SLC22A15: variants seen among roughly 807,000 people sequenced by gnomAD.
The protein encoded by SLC22A15 is flipt 1.
SLC22A15 carries 45 observed loss-of-function variants against 62.7 expected under a neutral mutation model. The ratio of observed to expected loss-of-function variants is 0.72; its 90% CI spans 0.56 to 0.92. The LOEUF (loss-of-function observed/expected upper bound fraction) is 0.92, where lower values mean the gene tolerates loss of function less well. Ranked by LOEUF, SLC22A15 falls within the 40% of genes least tolerant of loss-of-function variation. The probability of loss-of-function intolerance (pLI) is 0.00; values close to 1 mark genes in which losing one functional copy is unlikely to be tolerated. For synonymous variants in SLC22A15, 264 were observed against 267.0 expected, an observed-to-expected ratio of 0.99 and a Z score of 0.11; for missense variants, 622 against 665.6, an observed-to-expected ratio of 0.93 and a Z score of 0.72.
chr1:115,988,654 G>A (rs990556743), intron 1 of SLC22A15, among the ~76,000 whole-genome samples: 2 of 151,694 alleles, frequency 1.3e-5, no homozygotes, highest in African/African-American at 4.8e-5. Flanking sequence ...CCAAGTAGCT[G>A]GGATTACAGG....
At position 116,037,375 on chromosome 1, in the gene SLC22A15, T is replaced by C; in HGVS notation, c.1158T>C (p.Leu386=). The C allele has an allele frequency of 6.2e-7, 1 of 1,612,996 alleles. No homozygotes were observed. Among genetic ancestry groups the C allele is most frequent in the Non-Finnish European group, 8.5e-7 (1 of 1,179,168 alleles). ...TGGCTTGTCTTATTGTAATGTTTCT[T>C]CCAGAAAAGAAAGGTATGCCTTTCA... The part of the protein sequence containing the change: ...GGLACLIVMF[L]PEKKDTGVFA... Residue 386 remains leucine (L), a synonymous_variant, in exon 8 of 12, where the codon CTT becomes CTC. Coordinates refer to ENST00000369503, the MANE Select transcript of SLC22A15 (RefSeq NM_018420.3).
Position 116,067,874 on chromosome 1 carries a change from A to G in SLC22A15, c.*766A>G, listed in dbSNP as rs1352777170. 6.6e-6 allele frequency: 1 copy of G among 152,220 alleles called. No individual in the cohort carries two copies. The highest frequency in any genetic ancestry group is 1.5e-5 in the Non-Finnish European group (1 of 68,050). The allele number at this position is 152,220 out of a possible 1,614,324, so 9.4% of individuals were successfully genotyped here. A position where few individuals can be genotyped will look rare whatever the true frequency, so the allele number is the denominator to read the frequency against. On this transcript the variant is annotated 3_prime_UTR_variant, in exon 12 of 12. Transcript: ENST00000369503. ...TCCTTTCCCACTAATATGCACATCC[A>G]GAAAAATTTCCATCTGAGATTCTAG...
intron 2 of SLC22A15, among the ~76,000 whole-genome samples, chr1:116,004,349 T>A (rs1655874091): frequency 6.6e-6 from 1 of 152,186 alleles, no homozygotes. Context: ...GCTGGAGTGT[T>A]CTAGTCGGCC....
Position 115,992,107 on chromosome 1 carries a change from T to G in SLC22A15, c.164T>G (p.Leu55Arg), listed in dbSNP as rs1307233788. 1 of 1,613,832 alleles carries G rather than the reference T, an allele frequency of 6.2e-7. No individual in the cohort carries two copies. The highest frequency in any genetic ancestry group is 8.5e-7 in the Non-Finnish European group (1 of 1,179,882). The change falls in exon 2 of 12, where the codon CTC (leucine) becomes CGC (arginine). Residue 55 changes from leucine (L) to arginine (R), a missense_variant. By Grantham distance (102) the Leu-to-Arg change is moderately radical (BLOSUM62 -2). Coordinates refer to ENST00000369503, the MANE Select transcript of SLC22A15 (RefSeq NM_018420.3). Reference protein sequence around the residue: ...TPSYHWDLAELLPNQSHGNQS... With the variant: ...TPSYHWDLAERLPNQSHGNQS... ...TCCTACCACTGGGACCTGGCAGAGC[T>G]CCTGCCAAATCAGAGCCACGGTAAC...
intron 3 of SLC22A15, among the ~76,000 whole-genome samples, chr1:116,020,507 G>C (rs1656770997): frequency 6.6e-6 from 1 of 150,490 alleles, no homozygotes; most frequent in South Asian, 2.1e-4. Flanking sequence ...AGCGAGCCGA[G>C]ATTGTGCCAC....
At chr1:116,051,161 G>A (rs926445468) in intron 8 of SLC22A15, among the ~76,000 whole-genome samples, 1 of 152,084 alleles carries the variant, frequency 6.6e-6, no homozygotes, top group South Asian at 2.1e-4. Flanking sequence ...CAAATTCAAT[G>A]CAATCCTCAT....
chr1:116,011,770 G>A (rs905343710), intron 2 of SLC22A15, among the ~76,000 whole-genome samples: 4 of 152,130 alleles, frequency 2.6e-5, no homozygotes, highest in African/African-American at 7.2e-5. Context: ...AATAGTTCAC[G>A]GGGGAGGAGG....
At chr1:116,046,800 A>T (rs1205665820) in intron 8 of SLC22A15, among the ~76,000 whole-genome samples, 2 of 152,180 alleles carry the variant, frequency 1.3e-5, no homozygotes, top group South Asian at 4.1e-4. Flanking sequence ...CTGCAGGAGA[A>T]GTTTCCCACC....
intron 6 of SLC22A15, chr1:116,031,975 C>A (rs1657427619): frequency 1.9e-6 from 2 of 1,065,456 alleles, no homozygotes; most frequent in Non-Finnish European, 2.3e-6. Flanking sequence ...TTGGCACTGG[C>A]ATCAAGCAGT....
At chr1:116,011,856 T>C (rs1215685655) in intron 2 of SLC22A15, among the ~76,000 whole-genome samples, 1 of 152,128 alleles carries the variant, frequency 6.6e-6, no homozygotes, top group Non-Finnish European at 1.5e-5. Flanking sequence ...GGTGTCATGC[T>C]TCATGGCAAA....
intron 1 of SLC22A15, among the ~76,000 whole-genome samples, chr1:115,986,554 C>T (rs1654875070): frequency 6.6e-6 from 1 of 152,044 alleles, no homozygotes; most frequent in Non-Finnish European, 1.5e-5. Context: ...AACTTTGAAG[C>T]TTGGATTTAG....
At chr1:115,977,851 G>A (rs1654393117) in intron 1 of SLC22A15, among the ~76,000 whole-genome samples, 1 of 152,154 alleles carries the variant, frequency 6.6e-6, no homozygotes, top group Admixed American at 6.5e-5. Flanking sequence ...GGGAAGGTAG[G>A]GGTTGACTTA....
chr1:116,012,999 G>T (rs1032932644), intron 2 of SLC22A15, among the ~76,000 whole-genome samples: 2 of 152,244 alleles, frequency 1.3e-5, no homozygotes. Context: ...GAGGTAGTCC[G>T]CACTTTATTA....
intron 2 of SLC22A15, among the ~76,000 whole-genome samples, chr1:115,993,617 G>A (rs991904278): frequency 1.3e-5 from 2 of 152,078 alleles, no homozygotes. Flanking sequence ...GGAGTCCTCC[G>A]TGGAGTGCCC....
rs780197058 is a variant in SLC22A15, at chr1:116,020,760, T to A, written c.473T>A (p.Phe158Tyr). 24 of 1,613,132 alleles carry A rather than the reference T, an allele frequency of 1.5e-5. No individual in the cohort carries two copies. Among genetic ancestry groups the A allele is most frequent in the Admixed American group, 8.3e-5 (5 of 59,946 alleles). The stretch of plus-strand genomic sequence containing the variant: ...ATCTTATTTGCAATTGCAAATGGAT[T>A]TTCCCCCTCATATGAGTTCTTTGCA... ...LDILFAIANG[F>Y]SPSYEFFAVT... Residue 158 changes from phenylalanine (F) to tyrosine (Y), a missense_variant, in exon 4 of 12, where the codon TTT (phenylalanine) becomes TAT (tyrosine). Physicochemically the swap from Phe to Tyr is conservative, Grantham distance 22. Coordinates refer to ENST00000369503, the MANE Select transcript of SLC22A15 (RefSeq NM_018420.3).
Position 116,019,561 on chromosome 1 carries a change from T to A in SLC22A15, c.301-21T>A. 1.9e-6 allele frequency: 3 copies of A among 1,579,010 alleles called. No homozygotes were observed. In the South Asian group the frequency reaches 3.6e-5, roughly 19 times the overall value. ...GCTAACTGAATCCTACATGTCTCTCTTTTGTTTTATCTTCCTCTAGTGGTT... is the reference window on the plus strand; with the variant it reads ...GCTAACTGAATCCTACATGTCTCTCATTTGTTTTATCTTCCTCTAGTGGTT... On this transcript the variant is annotated intron_variant, in intron 2 of 11. Coordinates refer to ENST00000369503, the MANE Select transcript of SLC22A15 (RefSeq NM_018420.3).
chr1:116,001,950 C>A (rs1045801339), intron 2 of SLC22A15, among the ~76,000 whole-genome samples: 3 of 152,118 alleles, frequency 2.0e-5, no homozygotes, highest in Non-Finnish European at 4.4e-5. Context: ...TCTTTGCAGT[C>A]TGGGCTTGTT....
intron 1 of SLC22A15, among the ~76,000 whole-genome samples, chr1:115,983,572 T>C (rs989620351): frequency 1.3e-5 from 2 of 152,194 alleles, no homozygotes; most frequent in African/African-American, 4.8e-5. Context: ...GCTGTTGTCT[T>C]CGTGTGTGAT....
intron 2 of SLC22A15, among the ~76,000 whole-genome samples, chr1:116,000,625 C>CTTTTTTTTTTTTTTTTTTTTTTTTTTTT (rs56303802): frequency 1.1e-5 from 1 of 88,216 alleles, no homozygotes; most frequent in Non-Finnish European, 2.2e-5. Context: ...CTTTTTTTTC[C>CTTTTTTTTTTTTTTTTTTTTTTTTTTTT]TTTTTTTTTT....
Sources: allele counts gnomAD v4.1 joint callset (sites outside exome capture counted in the v4.1 genomes callset), GRCh38; gene constraint gnomAD v4.1.1; transcripts MANE v1.5; gene names NCBI Gene and HGNC (gene_info 2026-07-23, HGNC 2026-07-21).